The following LRFN5 variants were observed in gnomAD, a reference collection of about 807,000 sequenced individuals.
The protein encoded by LRFN5 is leucine rich repeat and fibronectin type III domain containing 5.
In LRFN5, 24 loss-of-function variants were observed where a neutral mutation model predicts 45.6. That is an observed-to-expected ratio of 0.53 (90% CI 0.38 to 0.74). The LOEUF is 0.74. Ranked by LOEUF, LRFN5 falls within the 30% of genes least tolerant of loss-of-function variation. The probability of loss-of-function intolerance (pLI) is 0.00; values close to 1 mark genes in which losing one functional copy is unlikely to be tolerated. For missense variants in LRFN5, 776 were observed against 861.5 expected (o/e 0.90, Z 1.24); for synonymous variants, 340 against 313.8 (o/e 1.08, Z -0.88).
At chr14:41,626,863 A>G (rs1225609040) in intron 1 of LRFN5, among the ~76,000 whole-genome samples, 2 of 152,124 alleles carry the variant, frequency 1.3e-5, no homozygotes. Context: ...TAATAATAGA[A>G]AAAAACACTG....
At chr14:41,711,382 A>G (rs1166699944) in intron 1 of LRFN5, among the ~76,000 whole-genome samples, 1 of 152,202 alleles carries the variant, frequency 6.6e-6, no homozygotes, top group African/African-American at 2.4e-5. Context: ...GCCAGGGCAC[A>G]TGTAGATGAG....
At position 41,721,436 on chromosome 14, in the gene LRFN5, T is replaced by A. The variant is rs1883708705; in HGVS notation, c.-196-45418T>A. Among the ~76,000 whole-genome samples, 4 of 152,170 alleles carry A rather than the reference T, an allele frequency of 2.6e-5. No homozygotes were observed. In the South Asian group the frequency reaches 8.3e-4, roughly 31 times the overall value. On this transcript the variant is annotated intron_variant, in intron 1 of 5. Transcript: ENST00000298119. ...AAGTTGCTAGCTTGTTGCTTTGTAG[T>A]TTCTATTGTGTCGTTGCCTTATAGG...
intron 1 of LRFN5, among the ~76,000 whole-genome samples, chr14:41,619,076 A>G (rs1345674302): frequency 6.6e-6 from 1 of 151,930 alleles, no homozygotes. Flanking sequence ...CCAAGGGAAA[A>G]TTTGGCTTTT....
chr14:41,650,607 C>G (rs1392594042), intron 1 of LRFN5, among the ~76,000 whole-genome samples: 3 of 151,896 alleles, frequency 2.0e-5, no homozygotes, highest in African/African-American at 4.8e-5. Flanking sequence ...GGCTTTAATT[C>G]AGAAAATCCA....
At chr14:41,692,487 C>T (rs1882421423) in intron 1 of LRFN5, among the ~76,000 whole-genome samples, 1 of 151,954 alleles carries the variant, frequency 6.6e-6, no homozygotes, top group Non-Finnish European at 1.5e-5. Context: ...CATGTGTATA[C>T]ATGTGCCATG....
At chr14:41,666,759 G>A (rs1014646444) in intron 1 of LRFN5, among the ~76,000 whole-genome samples, 4 of 152,118 alleles carry the variant, frequency 2.6e-5, no homozygotes, top group Non-Finnish European at 4.4e-5. Context: ...CTTTGGATGA[G>A]CTCTTCAGCC....
At chr14:41,738,028 G>A (rs1246697869) in intron 1 of LRFN5, among the ~76,000 whole-genome samples, 2 of 152,112 alleles carry the variant, frequency 1.3e-5, no homozygotes, top group African/African-American at 2.4e-5. Flanking sequence ...AAAAGAGCCT[G>A]TATAGCCAAG....
chr14:41,679,992 T>C (rs1881812167), intron 1 of LRFN5, among the ~76,000 whole-genome samples: 1 of 152,148 alleles, frequency 6.6e-6, no homozygotes, highest in African/African-American at 2.4e-5. Flanking sequence ...GCTGAGGGCC[T>C]GGAGTGGTGG....
At chr14:41,617,459 T>G (rs1887965866) in intron 1 of LRFN5, among the ~76,000 whole-genome samples, 1 of 152,126 alleles carries the variant, frequency 6.6e-6, no homozygotes, top group Non-Finnish European at 1.5e-5. Context: ...CCTTTTCTCC[T>G]GCTTATGGCT....
At chr14:41,839,224 C>T (rs977458799) in intron 2 of LRFN5, among the ~76,000 whole-genome samples, 6 of 152,004 alleles carry the variant, frequency 3.9e-5, no homozygotes, top group African/African-American at 4.8e-5. Context: ...CAAAATAATT[C>T]TCAGAGTAGA....
At chr14:41,610,661 TAAAA>T (rs199770856) in intron 1 of LRFN5, among the ~76,000 whole-genome samples, 20 of 37,348 alleles carry the variant, frequency 5.4e-4, no homozygotes, top group South Asian at 1.5e-3. Context: ...CCAGGGAAGG[TAAAA>T]AAAAAAAAAA....
At chr14:41,758,732 G>C (rs902832898) in intron 1 of LRFN5, among the ~76,000 whole-genome samples, 2 of 152,100 alleles carry the variant, frequency 1.3e-5, no homozygotes, top group African/African-American at 2.4e-5. Context: ...ATACATGACT[G>C]TTTATAATCT....
intron 2 of LRFN5, among the ~76,000 whole-genome samples, chr14:41,810,382 T>G (rs891724252): frequency 6.6e-5 from 10 of 152,016 alleles, no homozygotes; most frequent in Non-Finnish European, 1.5e-4. Context: ...AGGTGCCAGT[T>G]TTTTGGTCAG....
intron 1 of LRFN5, among the ~76,000 whole-genome samples, chr14:41,665,870 T>C (rs1880873671): frequency 6.6e-6 from 1 of 152,028 alleles, no homozygotes; most frequent in Non-Finnish European, 1.5e-5. Context: ...TATATTACTA[T>C]GTAAAATTTT....
intron 1 of LRFN5, among the ~76,000 whole-genome samples, chr14:41,754,154 GA>G (rs1400455473): frequency 4.6e-5 from 7 of 152,154 alleles, no homozygotes; most frequent in African/African-American, 1.7e-4. Flanking sequence ...TGTGCTGCTG[GA>G]TTCGGTTTGC....
intron 2 of LRFN5, among the ~76,000 whole-genome samples, chr14:41,857,961 T>A (rs1439055181): frequency 6.6e-6 from 1 of 152,142 alleles, no homozygotes; most frequent in Non-Finnish European, 1.5e-5. Flanking sequence ...GTGAATGGAA[T>A]GTAGAGTTCC....
intron 1 of LRFN5, among the ~76,000 whole-genome samples, chr14:41,757,975 C>T (rs945873329): frequency 2.0e-5 from 3 of 152,128 alleles, no homozygotes; most frequent in African/African-American, 2.4e-5. Flanking sequence ...CATGGTGGCT[C>T]ATACTAATAT....
At chr14:41,650,463 A>G (rs1259089373) in intron 1 of LRFN5, among the ~76,000 whole-genome samples, 2 of 152,146 alleles carry the variant, frequency 1.3e-5, no homozygotes, top group Non-Finnish European at 2.9e-5. Flanking sequence ...TTTGTTAGCA[A>G]TTAAAGATGT....
chr14:41,735,958 G>T (rs866991101), intron 1 of LRFN5, among the ~76,000 whole-genome samples: 4 of 152,270 alleles, frequency 2.6e-5, no homozygotes, highest in South Asian at 2.1e-4. Flanking sequence ...TGGCTGCATA[G>T]TATTCCATGG....
Sources: gnomAD v4.1 joint callset for allele counts (sites outside exome capture counted in the v4.1 genomes callset) on GRCh38, gnomAD v4.1.1 for gene constraint, MANE v1.5 for transcripts, NCBI Gene and HGNC (gene_info 2026-07-23, HGNC 2026-07-21) for gene names.